ICA1: variants seen among roughly 807,000 people sequenced by gnomAD.
ICA1 encodes 69 kDa islet cell autoantigen.
A neutral mutation model predicts 71.0 loss-of-function variants in ICA1; 40 were observed. The ratio of observed to expected loss-of-function variants is 0.56; its 90% confidence interval spans 0.44 to 0.73. The LOEUF is 0.73. Ranked by LOEUF, ICA1 falls within the 30% of genes least tolerant of loss-of-function variation. The pLI, the probability that ICA1 is intolerant of heterozygous loss-of-function variation, is 0.00. For missense variants in ICA1, 578 were observed against 576.5 expected, an observed-to-expected ratio of 1.00 and a Z score of -0.03; for synonymous variants, 207 against 209.5, an observed-to-expected ratio of 0.99 and a Z score of 0.10.
At chr7:8,206,560 T>C (rs3757513) in intron 6 of ICA1, among the ~76,000 whole-genome samples, 13 of 152,124 alleles carry the variant, frequency 8.5e-5, no homozygotes, top group Non-Finnish European at 1.6e-4. Context: ...ATTATTTTAA[T>C]GGGTAACCCG....
chr7:8,195,309 G>T (rs1001523595), intron 6 of ICA1, among the ~76,000 whole-genome samples: 7 of 152,194 alleles, frequency 4.6e-5, no homozygotes, highest in Non-Finnish European at 8.8e-5. Context: ...GAGGTGGGCA[G>T]ATCCCTGGAT....
At chr7:8,185,758 G>C (rs11981657) in intron 6 of ICA1, among the ~76,000 whole-genome samples, 2 of 152,058 alleles carry the variant, frequency 1.3e-5, no homozygotes, top group Non-Finnish European at 2.9e-5. Context: ...TTAGTAAACA[G>C]AGACACAGTA....
At chr7:8,174,084 G>C (rs1278080875) in intron 6 of ICA1, among the ~76,000 whole-genome samples, 2 of 152,114 alleles carry the variant, frequency 1.3e-5, no homozygotes, top group East Asian at 3.9e-4. Flanking sequence ...GAGGAAATGA[G>C]GAAGCAAACC....
chr7:8,120,312 AT>A (rs1417336340), intron 13 of ICA1, among the ~76,000 whole-genome samples: 1 of 152,232 alleles, frequency 6.6e-6, no homozygotes, highest in Non-Finnish European at 1.5e-5. Context: ...GACACCGACT[AT>A]TTATGGGAAA....
chr7:8,137,894 G>C (rs1793954231), intron 12 of ICA1, among the ~76,000 whole-genome samples: 1 of 152,152 alleles, frequency 6.6e-6, no homozygotes, highest in Non-Finnish European at 1.5e-5. Flanking sequence ...TCAACATCAA[G>C]CCCAGACTGA....
At chr7:8,239,232 T>C (rs1802910115) in intron 1 of ICA1, among the ~76,000 whole-genome samples, 1 of 152,196 alleles carries the variant, frequency 6.6e-6, no homozygotes, top group South Asian at 2.1e-4. Flanking sequence ...ATCTATCTTG[T>C]TTTGCTCTAT....
rs73233957 is a variant in ICA1 at position 8,202,168 on chromosome 7, C to A, written c.579+16137G>T. ...AGGCTTCTTAACCTTATTCAACTGA[C>A]AAGTGTAGAAGACCCCATCATGCTG... On this transcript the variant is annotated intron_variant, in intron 6 of 13. Coordinates refer to ENST00000402384, the MANE Select transcript of ICA1 (RefSeq NM_001136020.3). Among the ~76,000 whole-genome samples, 660 of 152,330 alleles carry A rather than the reference C, an allele frequency of 4.3e-3. 2 individuals carry two copies. Among genetic ancestry groups the A allele is most frequent in the African/African-American group, 0.012 (483 of 41,576 alleles).
In ICA1 at chr7:8,138,899, G is replaced by T. The variant is rs902234508; in HGVS notation, c.1019-18C>A. 1.2e-6 allele frequency: 2 copies of T among 1,604,748 alleles called. No homozygotes were observed. The highest frequency in any genetic ancestry group is 1.7e-6 in the Non-Finnish European group (2 of 1,172,190). On this transcript the variant is annotated intron_variant, in intron 11 of 13. Transcript: ENST00000402384. ...TATGGGTCCTTTAGAGAAGAGGAAA[G>T]AAAACAAAATTATAAGTCAGTTTCA...
intron 6 of ICA1, among the ~76,000 whole-genome samples, chr7:8,194,102 TTGA>T (rs1414784835): frequency 3.9e-5 from 6 of 152,214 alleles, no homozygotes; most frequent in Admixed American, 2.6e-4. Flanking sequence ...GGTAACAGGT[TTGA>T]TGATATTTCA....
At chr7:8,124,111 ATTTTTTTTT>A (rs536582712) in intron 13 of ICA1, among the ~76,000 whole-genome samples, 15 of 107,440 alleles carry the variant, frequency 1.4e-4, no homozygotes, top group East Asian at 2.4e-4. Flanking sequence ...GAATCATACA[ATTTTTTTTT>A]TTTTTTTTTT....
At chr7:8,147,934 C>T (rs1797601122) in intron 8 of ICA1, among the ~76,000 whole-genome samples, 1 of 152,092 alleles carries the variant, frequency 6.6e-6, no homozygotes, top group Admixed American at 6.6e-5. Flanking sequence ...CCTGGCTCCA[C>T]TCCAGTTTCC....
At chr7:8,166,714 ATGG>A (rs1806125867) in intron 6 of ICA1, among the ~76,000 whole-genome samples, 1 of 152,014 alleles carries the variant, frequency 6.6e-6, no homozygotes, top group Non-Finnish European at 1.5e-5. Context: ...AACTTACAGA[ATGG>A]GAGAAAATAT....
chr7:8,168,889 CAATTT>C (rs1312232582), intron 6 of ICA1, among the ~76,000 whole-genome samples: 1 of 152,062 alleles, frequency 6.6e-6, no homozygotes, highest in Non-Finnish European at 1.5e-5. Flanking sequence ...TGTTGAGCTA[CAATTT>C]AATTTCAGAT....
chr7:8,220,713 T>C (rs552111615), intron 5 of ICA1, among the ~76,000 whole-genome samples: 1 of 152,252 alleles, frequency 6.6e-6, no homozygotes, highest in South Asian at 2.1e-4. Flanking sequence ...CAAACTTGAA[T>C]TTACATCAAA....
intron 12 of ICA1, among the ~76,000 whole-genome samples, chr7:8,134,308 G>A (rs964931873): frequency 6.6e-6 from 1 of 152,178 alleles, no homozygotes; most frequent in African/African-American, 2.4e-5. Context: ...CACATAGAGA[G>A]GAAGCTCTTT....
chr7:8,243,311 A>C (rs1429760972), intron 1 of ICA1, among the ~76,000 whole-genome samples: 2 of 152,356 alleles, frequency 1.3e-5, no homozygotes, highest in South Asian at 4.1e-4. Flanking sequence ...ATCATCGACA[A>C]AAACCACATG....
Position 8,222,733 on chromosome 7 carries a change from T to C in ICA1, c.257-1335A>G, listed in dbSNP as rs956228763. Among the ~76,000 whole-genome samples, 1 of 152,234 alleles carries C rather than the reference T, an allele frequency of 6.6e-6. No homozygotes were observed. The highest frequency in any genetic ancestry group is 6.5e-5 in the Admixed American group (1 of 15,278). On this transcript the variant is annotated intron_variant, in intron 4 of 13. Coordinates refer to ENST00000402384, the MANE Select transcript of ICA1 (RefSeq NM_001136020.3). The surrounding 1 kb of genome is among the most constrained non-coding windows in gnomAD (Gnocchi z 4.8). ...GATGACCCTGCTTCTCTTCTGTCTCTCAAAAATCAAGTTCACCATCAAAGG... is the reference window on the plus strand; with the variant it reads ...GATGACCCTGCTTCTCTTCTGTCTCCCAAAAATCAAGTTCACCATCAAAGG...
In ICA1 at chr7:8,222,080, A is replaced by T. The variant is rs2128426410; in HGVS notation, c.257-682T>A. Among the ~76,000 whole-genome samples, 1 of 152,296 alleles carries T rather than the reference A, an allele frequency of 6.6e-6. No homozygotes were observed. The highest frequency in any genetic ancestry group is 6.5e-5 in the Admixed American group (1 of 15,300). On this transcript the variant is annotated intron_variant, in intron 4 of 13. Coordinates refer to ENST00000402384, the MANE Select transcript of ICA1 (RefSeq NM_001136020.3). The surrounding 1 kb of genome is among the most constrained non-coding windows in gnomAD (Gnocchi z 4.8). ...TCTGCAGACTGATTTGACGGTAAAC[A>T]TTTAAAAAATCATAGAATTACATGT...
intron 9 of ICA1, chr7:8,142,040 A>T (rs1329557749): frequency 6.9e-7 from 1 of 1,448,878 alleles, no homozygotes; most frequent in Non-Finnish European, 9.2e-7. Context: ...TCTCGAGGCA[A>T]ATATTCTGTA....
Sources: allele counts gnomAD v4.1 joint callset (sites outside exome capture counted in the v4.1 genomes callset), GRCh38; gene constraint gnomAD v4.1.1; non-coding constraint Gnocchi (gnomAD v3.1); transcripts MANE v1.5; gene names NCBI Gene and HGNC (gene_info 2026-07-23, HGNC 2026-07-21).